The following NLRP14 variants were observed in gnomAD, a reference collection of about 807,000 sequenced individuals.
NLRP14 encodes the protein NACHT, LRR and PYD domains-containing protein 14.
Under a neutral mutation model 94.7 loss-of-function variants are expected in NLRP14, and 105 were observed. That is an observed-to-expected ratio of 1.11 (90% CI 0.95 to 1.30). The LOEUF (loss-of-function observed/expected upper bound fraction) is 1.30, where lower values mean the gene tolerates loss of function less well. Among genes scored for constraint, NLRP14 ranks in the 50% most tolerant of loss-of-function variants. The pLI is 0.00. For missense variants in NLRP14, 1,362 were observed against 1,254.1 expected (o/e 1.09, Z -1.30); for synonymous variants, 508 against 459.9 (o/e 1.10, Z -1.34).
At chr11:7,029,468 C>T (rs545808735) in intron 1 of NLRP14, among the ~76,000 whole-genome samples, 2 of 152,272 alleles carry the variant, frequency 1.3e-5, no homozygotes, top group Admixed American at 1.3e-4. Context: ...TATATATAAA[C>T]GCCTCTATCC....
At chr11:7,055,870 AT>A (rs147702696) in intron 6 of NLRP14, among the ~76,000 whole-genome samples, 13 of 152,154 alleles carry the variant, frequency 8.5e-5, no homozygotes, top group African/African-American at 3.1e-4. Flanking sequence ...GGCTTTGGAA[AT>A]TTTTGCCAAG....
chr11:7,080,279 G>A, the NLRP14 span, among the ~76,000 whole-genome samples: 1 of 152,136 alleles, frequency 6.6e-6, no homozygotes, highest in African/African-American at 2.4e-5. Flanking sequence ...AGAATTGTAG[G>A]ACACATGGTT....
intron 1 of NLRP14, among the ~76,000 whole-genome samples, chr11:7,025,588 TAGAA>T (rs967495841): frequency 6.6e-6 from 1 of 152,174 alleles, no homozygotes; most frequent in Non-Finnish European, 1.5e-5. Context: ...AATTTTTCAA[TAGAA>T]AGAAACTCTC....
In NLRP14 at chr11:7,070,311, C is replaced by G; in HGVS notation, c.3001C>G (p.Leu1001Val). 1 of 1,611,592 alleles carries G rather than the reference C, an allele frequency of 6.2e-7. No homozygotes were observed. The highest frequency in any genetic ancestry group is 8.5e-7 in the Non-Finnish European group (1 of 1,177,942). ...LGLEYCGLTS[L>V]CCQDLSSALI... ...GTTGGAATACTGTGGTTTGACATCT[C>G]TCTGCTGTCAAGATCTCTCCTCTGC... is the stretch of plus-strand genomic sequence containing the variant. Residue 1001 changes from leucine (L) to valine (V), a missense_variant, in exon 11 of 12, where the codon CTC (leucine) becomes GTC (valine). Coordinates refer to ENST00000299481, the MANE Select transcript of NLRP14 (RefSeq NM_176822.4).
the NLRP14 span, chr11:7,089,576 G>A: frequency 9.3e-6 from 11 of 1,181,708 alleles, 1 homozygote; most frequent in East Asian, 1.2e-4. Context: ...AGCGTGGGCC[G>A]CCGCCGCGCA....
the NLRP14 span, among the ~76,000 whole-genome samples, chr11:7,088,216 A>C: frequency 6.6e-6 from 1 of 152,364 alleles, no homozygotes; most frequent in African/African-American, 2.4e-5. Context: ...TCTCAACGAA[A>C]AACAATGGAT....
chr11:7,029,666 C>T (rs369334413), intron 1 of NLRP14, among the ~76,000 whole-genome samples: 19 of 152,278 alleles, frequency 1.2e-4, no homozygotes, highest in African/African-American at 4.3e-4. Flanking sequence ...ATGTTAGAAA[C>T]AATTTCAAAA....
intron 5 of NLRP14, 148 bp from the exon 6 acceptor site, chr11:7,049,523 A>G (rs1279994800): frequency 2.6e-5 from 17 of 662,964 alleles, no homozygotes; most frequent in Non-Finnish European, 4.4e-5. Context: ...CATAAATAGA[A>G]ATTGAAGTTA....
chr11:7,074,972 T>C (rs538986112), downstream of NLRP14, among the ~76,000 whole-genome samples: 1 of 152,334 alleles, frequency 6.6e-6, no homozygotes, highest in African/African-American at 2.4e-5. Flanking sequence ...TAATTAATCT[T>C]TGTCTTTTTG....
chr11:7,036,619 T>C (rs535481838), intron 1 of NLRP14, among the ~76,000 whole-genome samples: 20 of 152,324 alleles, frequency 1.3e-4, no homozygotes, highest in African/African-American at 4.8e-4. Flanking sequence ...GTACTCTTGC[T>C]ATTCCTGCTT....
intron 1 of NLRP14, among the ~76,000 whole-genome samples, chr11:7,026,080 T>C (rs1485256935): frequency 6.6e-6 from 1 of 152,184 alleles, no homozygotes; most frequent in Non-Finnish European, 1.5e-5. Context: ...TTTTAATTGC[T>C]CTGCATAGGC....
chr11:7,079,311 C>T, the NLRP14 span, among the ~76,000 whole-genome samples: 1 of 152,168 alleles, frequency 6.6e-6, no homozygotes, highest in African/African-American at 2.4e-5. Flanking sequence ...GTAGAGAATG[C>T]CCCCTCTTTG....
the NLRP14 span, among the ~76,000 whole-genome samples, chr11:7,079,212 T>C: frequency 2.6e-5 from 4 of 152,214 alleles, no homozygotes; most frequent in Admixed American, 1.3e-4. Flanking sequence ...TCTTGGAGCT[T>C]CTCCGCCCCC....
chr11:7,068,614 T>A (rs192940902), intron 10 of NLRP14, among the ~76,000 whole-genome samples: 8 of 152,328 alleles, frequency 5.3e-5, no homozygotes, highest in Admixed American at 4.6e-4. Flanking sequence ...CTACATGACT[T>A]TTTAAACATA....
At chr11:7,049,026 GGGTGGTGGGCCGAAAGGAGGAAA>G (rs1852401241) in intron 5 of NLRP14, among the ~76,000 whole-genome samples, 1 of 151,906 alleles carries the variant, frequency 6.6e-6, no homozygotes. Context: ...GGTGGAGGGT[GGGTGGTGGGCCGAAAGGAGGAAA>G]GGTGGTGTTA....
chr11:7,087,203 C>T, the NLRP14 span, among the ~76,000 whole-genome samples: 1 of 152,254 alleles, frequency 6.6e-6, no homozygotes, highest in Non-Finnish European at 1.5e-5. Context: ...TTGAATCTAC[C>T]TATGACCTGT....
rs552277843 is a variant in NLRP14 at position 7,046,389 on chromosome 11, A to G, written c.1959-279A>G. 1.5e-3 allele frequency among the ~76,000 whole-genome samples: 229 copies of G among 152,098 alleles called. 5 individuals are homozygous for G. Among genetic ancestry groups the G allele is most frequent in the Admixed American group, 0.014 (221 of 15,270 alleles). On this transcript the variant is annotated intron_variant, in intron 4 of 11. Coordinates refer to ENST00000299481, the MANE Select transcript of NLRP14 (RefSeq NM_176822.4). ...TCAAGTATTTGAATACTTCTCTCTT[A>G]TCCCTCCTGAGTTGCTTCCTCTAAA...
intron 1 of NLRP14, among the ~76,000 whole-genome samples, chr11:7,021,045 T>C (rs1429993339): frequency 6.6e-6 from 1 of 152,224 alleles, no homozygotes; most frequent in Non-Finnish European, 1.5e-5. Flanking sequence ...GGCCCTGTCC[T>C]TCAAACTTGG....
At position 7,047,321 on chromosome 11, in the gene NLRP14, T is replaced by A. The variant is rs894363426; in HGVS notation, c.2123+489T>A. Among the ~76,000 whole-genome samples the A allele has an allele frequency of 7.6e-4, 115 of 151,832 alleles. 1 individual carries two copies. Among genetic ancestry groups the A allele is most frequent in the African/African-American group, 2.5e-3 (105 of 41,398 alleles). On this transcript the variant is annotated intron_variant, in intron 5 of 11. Coordinates refer to ENST00000299481, the MANE Select transcript of NLRP14 (RefSeq NM_176822.4). ...AAAGGTCCCTTGTACCCCTTTCGTTTTTTTTTTTCCTGAGACAGGGTCTTA... is the reference window on the plus strand; with the variant it reads ...AAAGGTCCCTTGTACCCCTTTCGTTATTTTTTTTCCTGAGACAGGGTCTTA...
Sources: allele counts gnomAD v4.1 joint callset (sites outside exome capture counted in the v4.1 genomes callset), GRCh38; gene constraint gnomAD v4.1.1; transcripts MANE v1.5; gene names NCBI Gene and HGNC (gene_info 2026-07-23, HGNC 2026-07-21).